Variants in LATS2 observed in about 807,000 individuals in gnomAD.
The protein encoded by LATS2 is large tumor suppressor kinase 2.
Under a neutral mutation model 76.0 loss-of-function variants are expected in LATS2, and 24 were observed. The ratio of observed to expected loss-of-function variants is 0.32; its 90% CI spans 0.23 to 0.44. The LOEUF (loss-of-function observed/expected upper bound fraction) is 0.44, where lower values mean the gene tolerates loss of function less well. LATS2 is among the 20% of genes least tolerant of loss of function. The pLI, the probability that LATS2 is intolerant of heterozygous loss-of-function variation, is 1.00. For missense variants in LATS2, 1,286 were observed against 1,481.2 expected, an observed-to-expected ratio of 0.87 and a Z score of 2.16; for synonymous variants, 692 against 635.4, an observed-to-expected ratio of 1.09 and a Z score of -1.34.
chr13:20,988,265 C>T lies in LATS2; in HGVS notation c.1515G>A (p.Glu505=). The part of the protein sequence containing the change: ...GGAGAFPLDV[E]YGGPDRRCPP... ...GGCACCTCCGGTCTGGGCCTCCGTA[C>T]TCCACGTCCAGCGGGAAGGCGCCTG... Residue 505 remains glutamate (E), a synonymous_variant, in exon 4 of 8, where the codon GAG becomes GAA. Transcript: ENST00000382592. 2 of 1,596,988 alleles carry T rather than the reference C, an allele frequency of 1.3e-6. No individual in the cohort carries two copies. Among genetic ancestry groups the T allele is most frequent in the African/African-American group, 1.3e-5 (1 of 74,812 alleles).
chr13:20,997,233 A>G (rs1870796435), intron 2 of LATS2, among the ~76,000 whole-genome samples: 1 of 152,250 alleles, frequency 6.6e-6, no homozygotes, highest in Non-Finnish European at 1.5e-5. Flanking sequence ...TGTGAATTAC[A>G]CATGAATAAA....
At position 20,991,918 on chromosome 13, in the gene LATS2, C is replaced by T. The variant is rs556174301; in HGVS notation, c.343-514G>A. Among the ~76,000 whole-genome samples the T allele has an allele frequency of 2.6e-4, 39 of 152,258 alleles. No individual in the cohort carries two copies. Among genetic ancestry groups the T allele is most frequent in the African/African-American group, 8.2e-4 (34 of 41,554 alleles). Reference sequence around the variant, plus strand: ...CAATGCCCCATGCTGGCTATAGCAGCGGAGGACTGGCCCTTAGAGATCTGA... The same window carrying T: ...CAATGCCCCATGCTGGCTATAGCAGTGGAGGACTGGCCCTTAGAGATCTGA... On this transcript the variant is annotated intron_variant, in intron 2 of 7. Transcript: ENST00000382592. The surrounding 1 kb of genome is among the most constrained non-coding windows in gnomAD (Gnocchi z 4.9).
intron 5 of LATS2, among the ~76,000 whole-genome samples, chr13:20,982,122 G>A (rs1869917133): frequency 6.6e-6 from 1 of 152,206 alleles, no homozygotes; most frequent in South Asian, 2.1e-4. Context: ...TTAGTTTTGA[G>A]TTAGAGAAAA....
rs117941857 is a variant in LATS2, at chr13:21,008,732, C to T, written c.343-17328G>A. 1.4e-4 allele frequency among the ~76,000 whole-genome samples: 22 copies of T among 152,182 alleles called. No individual in the cohort carries two copies. In the East Asian group the frequency reaches 4.3e-3, roughly 29 times the overall value. ...TAGAGAGATGCTGCATTTTGATAAA[C>T]TGAGGAAAGGTGTGTAAATTGGTAC... On this transcript the variant is annotated intron_variant, in intron 2 of 7. Coordinates refer to ENST00000382592, the MANE Select transcript of LATS2 (RefSeq NM_014572.3).
chr13:20,977,622 A>T (rs200620820), intron 7 of LATS2, among the ~76,000 whole-genome samples: 2 of 135,940 alleles, frequency 1.5e-5, no homozygotes, highest in Admixed American at 7.7e-5. Flanking sequence ...TAATTATTAA[A>T]TAAATGGTAA....
intron 2 of LATS2, among the ~76,000 whole-genome samples, chr13:21,026,077 C>T (rs975307523): frequency 6.6e-6 from 1 of 152,154 alleles, no homozygotes; most frequent in Admixed American, 6.5e-5. Flanking sequence ...CAACACCAAT[C>T]CCTGGAATAC....
intron 1 of LATS2, among the ~76,000 whole-genome samples, chr13:21,058,089 G>A (rs9509513): frequency 0.62 from 94,832 of 152,138 alleles, 30,862 homozygotes; most frequent in Non-Finnish European, 0.72. Flanking sequence ...AGAATGTTTA[G>A]AGCTAGAAGT....
At chr13:21,010,190 ACT>A (rs1344159179) in intron 2 of LATS2, among the ~76,000 whole-genome samples, 2 of 145,062 alleles carry the variant, frequency 1.4e-5, no homozygotes, top group Admixed American at 7.0e-5. Flanking sequence ...ATGGAGCTAG[ACT>A]CTGTCAAAAA....
At chr13:21,003,072 G>T (rs1268791512) in intron 2 of LATS2, among the ~76,000 whole-genome samples, 1 of 152,176 alleles carries the variant, frequency 6.6e-6, no homozygotes, top group East Asian at 1.9e-4. Flanking sequence ...TTGCTGTTAA[G>T]ATCATCAAGT....
At chr13:20,990,771 C>T (rs1158067296) in intron 3 of LATS2, among the ~76,000 whole-genome samples, 1 of 152,136 alleles carries the variant, frequency 6.6e-6, no homozygotes, top group Non-Finnish European at 1.5e-5. Context: ...GGTGCGGTGC[C>T]TCAGGCCCAT....
At chr13:21,020,617 G>A (rs900725958) in intron 2 of LATS2, among the ~76,000 whole-genome samples, 1 of 152,188 alleles carries the variant, frequency 6.6e-6, no homozygotes, top group African/African-American at 2.4e-5. Flanking sequence ...ACTTCAGACT[G>A]CCTGCATGTA....
At chr13:21,020,909 T>C (rs1388772432) in intron 2 of LATS2, among the ~76,000 whole-genome samples, 2 of 152,202 alleles carry the variant, frequency 1.3e-5, no homozygotes, top group African/African-American at 4.8e-5. Flanking sequence ...GACACACTCT[T>C]AGCCTTCTCT....
At chr13:21,023,725 G>A (rs1489415285) in intron 2 of LATS2, among the ~76,000 whole-genome samples, 1 of 145,972 alleles carries the variant, frequency 6.9e-6, no homozygotes, top group East Asian at 2.0e-4. Context: ...TGTAATTCCA[G>A]CACTTTGGGA....
At chr13:20,987,205 AAAAAAT>A (rs1033051462) in intron 4 of LATS2, among the ~76,000 whole-genome samples, 3 of 90,214 alleles carry the variant, frequency 3.3e-5, no homozygotes, top group African/African-American at 7.5e-5. Flanking sequence ...AAAATAAATT[AAAAAAT>A]AAAAAATAAA....
At position 20,983,441 on chromosome 13, in the gene LATS2, G is replaced by T; in HGVS notation, c.2265C>A (p.Ser755Arg). Reference sequence around the variant, plus strand: ...GGAAGACCTCCATCCGGATCAGCAGGCTCATCATGTCCCCACCAGGGATGT... The same window carrying T: ...GGAAGACCTCCATCCGGATCAGCAGTCTCATCATGTCCCCACCAGGGATGT... ...MDYIPGGDMM[S>R]LLIRMEVFPE... Residue 755 changes from serine to arginine, a missense_variant, in exon 5 of 8, where the codon AGC becomes AGA. By Grantham distance (110) the Ser-to-Arg change is moderately radical. This residue lies in a region of LATS2 where 247 missense variants were observed against 385.4 expected (regional missense o/e 0.64). Coordinates refer to ENST00000382592, the MANE Select transcript of LATS2 (RefSeq NM_014572.3). 1 of 1,614,016 alleles carries T rather than the reference G, an allele frequency of 6.2e-7. No individual in the cohort carries two copies. The highest frequency in any genetic ancestry group is 8.5e-7 in the Non-Finnish European group (1 of 1,180,008).
intron 2 of LATS2, among the ~76,000 whole-genome samples, chr13:21,044,146 C>T (rs573918891): frequency 1.3e-5 from 2 of 152,326 alleles, no homozygotes; most frequent in Non-Finnish European, 2.9e-5. Flanking sequence ...CATAACAATC[C>T]TCACTATATA....
intron 2 of LATS2, among the ~76,000 whole-genome samples, chr13:21,020,152 A>T (rs576852528): frequency 6.6e-5 from 10 of 151,972 alleles, no homozygotes; most frequent in Non-Finnish European, 1.2e-4. Context: ...CACATAAAAT[A>T]TACCTGAAAA....
At chr13:21,059,549 C>A (rs948705074) in intron 1 of LATS2, among the ~76,000 whole-genome samples, 1 of 152,028 alleles carries the variant, frequency 6.6e-6, no homozygotes, top group African/African-American at 2.4e-5. Context: ...GAGCCGAGAT[C>A]GCGCCACTGC....
chr13:21,043,664 T>C (rs1208928442), intron 2 of LATS2, among the ~76,000 whole-genome samples: 1 of 152,234 alleles, frequency 6.6e-6, no homozygotes, highest in Non-Finnish European at 1.5e-5. Flanking sequence ...GGAAACTTCA[T>C]CGGTGTCATG....
Sources: gnomAD v4.1 joint callset for allele counts (sites outside exome capture counted in the v4.1 genomes callset) on GRCh38, gnomAD v4.1.1 for gene constraint, gnomAD v4.1.1 regional missense constraint, Gnocchi (gnomAD v3.1) non-coding constraint, MANE v1.5 for transcripts, NCBI Gene and HGNC (gene_info 2026-07-23, HGNC 2026-07-21) for gene names.